THRAP3: variants seen among roughly 807,000 people sequenced by gnomAD.
THRAP3 encodes the protein thyroid hormone receptor associated protein 3, also known as thyroid hormone receptor-associated protein 3.
Under a neutral mutation model 101.0 loss-of-function variants are expected in THRAP3, and 16 were observed. That is an observed-to-expected ratio of 0.16 (90% CI 0.11 to 0.24). THRAP3 has a LOEUF of 0.24. Among genes scored for constraint, THRAP3 ranks in the 10% least tolerant of loss-of-function variants. The pLI, the probability that THRAP3 is intolerant of heterozygous loss-of-function variation, is 1.00. For missense variants in THRAP3, 989 were observed against 1,202.7 expected (o/e 0.82, Z 2.63); for synonymous variants, 407 against 422.6 (o/e 0.96, Z 0.45).
At chr1:36,207,871 C>A in the THRAP3 span, among the ~76,000 whole-genome samples, 1 of 152,158 alleles carries the variant, frequency 6.6e-6, no homozygotes, top group Non-Finnish European at 1.5e-5. Context: ...TGGCTCACTG[C>A]AACCTCAGCC....
chr1:36,243,776 G>A (rs1379047620), intron 1 of THRAP3, among the ~76,000 whole-genome samples: 2 of 139,176 alleles, frequency 1.4e-5, no homozygotes, highest in Non-Finnish European at 3.1e-5. Flanking sequence ...AGGGGCGGCC[G>A]GGCAGAGGCG....
the THRAP3 span, among the ~76,000 whole-genome samples, chr1:36,214,354 C>G: frequency 6.6e-6 from 1 of 152,224 alleles, no homozygotes; most frequent in Non-Finnish European, 1.5e-5. Flanking sequence ...TCTCAGCCAG[C>G]CAGTCACCAA....
Position 36,304,462 on chromosome 1 carries a change from T to TC in THRAP3, c.*445_*446insC. On this transcript the variant is annotated 3_prime_UTR_variant, in exon 12 of 12. Coordinates refer to ENST00000354618, the MANE Select transcript of THRAP3 (RefSeq NM_005119.4). ...AGCCCCCTCCTTTTTTTTTTTTTTTTTCTTTTTTTAGGCATATGTAGTAAT... is the reference window on the plus strand; with the variant it reads ...AGCCCCCTCCTTTTTTTTTTTTTTTTCTCTTTTTTTAGGCATATGTAGTAAT... 1 of 227,370 alleles carries TC rather than the reference T, an allele frequency of 4.4e-6. No homozygotes were observed. Among genetic ancestry groups the TC allele is most frequent in the African/African-American group, 2.2e-5 (1 of 44,916 alleles). The allele number at this position is 227,370 out of a possible 1,614,324, so 14.1% of individuals were successfully genotyped here.
At chr1:36,268,606 G>A (rs978510973) in intron 2 of THRAP3, among the ~76,000 whole-genome samples, 3 of 152,058 alleles carry the variant, frequency 2.0e-5, no homozygotes, top group African/African-American at 2.4e-5. Context: ...GGGCTCAAGC[G>A]ATACTCCTGT....
the THRAP3 span, among the ~76,000 whole-genome samples, chr1:36,210,746 A>ATATATATATATCATATATATATATC: frequency 1.0e-5 from 1 of 98,852 alleles, no homozygotes; most frequent in Non-Finnish European, 2.0e-5. Context: ...TCATATATAT[A>ATATATATATATCATATATATATATC]AAGTGTCAGC....
At chr1:36,282,396 AT>A (rs34708418) in intron 2 of THRAP3, 136 bp from the exon 3 acceptor site, 164,735 of 495,912 alleles carry the variant, frequency 0.33, 9,590 homozygotes, top group Non-Finnish European at 0.35. Context: ...TTAAAAAAAA[AT>A]TTTTTTTTTT....
At chr1:36,290,799 C>A (rs1645857891) in intron 5 of THRAP3, among the ~76,000 whole-genome samples, 1 of 152,150 alleles carries the variant, frequency 6.6e-6, no homozygotes, top group African/African-American at 2.4e-5. Context: ...AATACATCTA[C>A]CCCTTGTCCC....
At chr1:36,250,709 C>T (rs1256251190) in intron 1 of THRAP3, among the ~76,000 whole-genome samples, 6 of 150,518 alleles carry the variant, frequency 4.0e-5, no homozygotes, top group African/African-American at 1.5e-4. Flanking sequence ...GGCGGGAGTT[C>T]GAGACCAGCC....
intron 1 of THRAP3, among the ~76,000 whole-genome samples, chr1:36,231,797 C>T (rs767087917): frequency 3.5e-4 from 53 of 152,140 alleles, no homozygotes; most frequent in Non-Finnish European, 6.5e-4. Flanking sequence ...TATCTAAAGA[C>T]TATGTCCTAG....
At chr1:36,208,758 C>T in the THRAP3 span, among the ~76,000 whole-genome samples, 1 of 152,022 alleles carries the variant, frequency 6.6e-6, no homozygotes, top group Non-Finnish European at 1.5e-5. Flanking sequence ...CCTCCACCTC[C>T]CGATTTCAAC....
intron 2 of THRAP3, among the ~76,000 whole-genome samples, chr1:36,270,681 G>A (rs1298438293): frequency 6.7e-6 from 1 of 148,454 alleles, no homozygotes; most frequent in African/African-American, 2.5e-5. Context: ...GGGCTCAAGT[G>A]ATTCTCCTGC....
intron 2 of THRAP3, among the ~76,000 whole-genome samples, chr1:36,263,444 T>C (rs913787179): frequency 2.6e-5 from 4 of 152,194 alleles, no homozygotes; most frequent in Non-Finnish European, 5.9e-5. Context: ...GATTGGCTGC[T>C]TAATTTAGCT....
At chr1:36,235,792 A>G (rs1056760179) in intron 1 of THRAP3, among the ~76,000 whole-genome samples, 3 of 152,112 alleles carry the variant, frequency 2.0e-5, no homozygotes, top group Non-Finnish European at 4.4e-5. Flanking sequence ...TAAGTGAAAA[A>G]CTGATAGCAA....
At chr1:36,296,213 A>G (rs1222594640) in intron 8 of THRAP3, among the ~76,000 whole-genome samples, 1 of 151,922 alleles carries the variant, frequency 6.6e-6, no homozygotes, top group Admixed American at 6.6e-5. Flanking sequence ...AGCTCAAGTG[A>G]TCCGCCTGCC....
intron 1 of THRAP3, among the ~76,000 whole-genome samples, chr1:36,236,946 G>A (rs1223540039): frequency 1.3e-5 from 2 of 152,170 alleles, no homozygotes; most frequent in African/African-American, 2.4e-5. Context: ...GGAGGCCGAG[G>A]CGGGCAAATC....
At chr1:36,276,869 TAAAG>T (rs1645667631) in intron 2 of THRAP3, among the ~76,000 whole-genome samples, 1 of 151,268 alleles carries the variant, frequency 6.6e-6, no homozygotes, top group Non-Finnish European at 1.5e-5. Flanking sequence ...AAAACATAAA[TAAAG>T]AAAAAAAGTG....
chr1:36,278,929 A>T (rs560906945), intron 2 of THRAP3, among the ~76,000 whole-genome samples: 70 of 152,056 alleles, frequency 4.6e-4, no homozygotes, highest in Admixed American at 7.9e-4. Context: ...GTCTCAAAAA[A>T]AAATAAATAA....
intron 2 of THRAP3, among the ~76,000 whole-genome samples, chr1:36,266,767 G>T (rs1557431909): frequency 6.6e-6 from 1 of 152,228 alleles, no homozygotes; most frequent in Admixed American, 6.5e-5. Context: ...GTCAGAGAAG[G>T]TAGGTGGCCA....
chr1:36,215,607 C>T, the THRAP3 span, among the ~76,000 whole-genome samples: 1 of 152,168 alleles, frequency 6.6e-6, no homozygotes, highest in Admixed American at 6.5e-5. Flanking sequence ...GTAAATCGTA[C>T]ATGTTGTAGG....
Sources: allele counts gnomAD v4.1 joint callset (sites outside exome capture counted in the v4.1 genomes callset), GRCh38; gene constraint gnomAD v4.1.1; transcripts MANE v1.5; gene names NCBI Gene and HGNC (gene_info 2026-07-23, HGNC 2026-07-21).